The following FER variants were observed in gnomAD, a reference collection of about 807,000 sequenced individuals.
The protein encoded by FER is tyrosine-protein kinase Fer.
In FER, 63 loss-of-function variants were observed where a neutral mutation model predicts 111.0. The observed-to-expected ratio is 0.57, with a 90% confidence interval of 0.46 to 0.70. The LOEUF (loss-of-function observed/expected upper bound fraction) is 0.70, where lower values mean the gene tolerates loss of function less well. Ranked by LOEUF, FER falls within the 30% of genes least tolerant of loss-of-function variation. FER has a pLI of 0.00. For synonymous variants in FER, 327 were observed against 313.9 expected (o/e 1.04, Z -0.44); for missense variants, 914 against 954.0 (o/e 0.96, Z 0.55).
intron 13 of FER, among the ~76,000 whole-genome samples, chr5:109,020,052 GT>G (rs1489392828): frequency 6.6e-6 from 1 of 151,864 alleles, no homozygotes; most frequent in Non-Finnish European, 1.5e-5. Context: ...TTTTCACCAA[GT>G]TTGACCTCTT....
At chr5:108,753,622 T>G (rs1278989180) in intron 1 of FER, among the ~76,000 whole-genome samples, 3 of 152,238 alleles carry the variant, frequency 2.0e-5, no homozygotes, top group Non-Finnish European at 4.4e-5. Context: ...TGTTTAAAAT[T>G]TAAACTTCAT....
chr5:108,953,236 CAT>C (rs752596718), intron 11 of FER, among the ~76,000 whole-genome samples: 2 of 151,780 alleles, frequency 1.3e-5, no homozygotes, highest in Non-Finnish European at 2.9e-5. Context: ...TCTTTTACCT[CAT>C]AGTCGTGGGT....
chr5:108,758,618 T>C (rs901763858), intron 1 of FER, among the ~76,000 whole-genome samples: 14 of 152,160 alleles, frequency 9.2e-5, no homozygotes, highest in Non-Finnish European at 2.1e-4. Context: ...GTTCCAGGAT[T>C]GTGTCTCGTT....
intron 15 of FER, among the ~76,000 whole-genome samples, chr5:109,046,079 C>T (rs575819386): frequency 2.1e-4 from 32 of 151,978 alleles, no homozygotes; most frequent in African/African-American, 7.5e-4. Context: ...TCAAGTCTAT[C>T]CTACTTTCAT....
chr5:108,879,167 C>T (rs1034317794), intron 8 of FER, among the ~76,000 whole-genome samples: 6 of 151,922 alleles, frequency 3.9e-5, no homozygotes, highest in African/African-American at 1.4e-4. Context: ...CTTTTAACTG[C>T]TTTGCCTTAT....
At chr5:109,141,109 C>A (rs954724983) in intron 17 of FER, among the ~76,000 whole-genome samples, 1 of 152,126 alleles carries the variant, frequency 6.6e-6, no homozygotes, top group East Asian at 1.9e-4. Flanking sequence ...AGAGGGCGTA[C>A]AGGTGGCCCC....
chr5:108,862,102 A>C (rs1396044269), intron 5 of FER, among the ~76,000 whole-genome samples: 1 of 152,142 alleles, frequency 6.6e-6, no homozygotes, highest in Non-Finnish European at 1.5e-5. Flanking sequence ...CTGGTTTTAA[A>C]CCTGAAAGTG....
At chr5:108,857,772 T>G (rs1277483995) in intron 5 of FER, among the ~76,000 whole-genome samples, 1 of 152,182 alleles carries the variant, frequency 6.6e-6, no homozygotes, top group Non-Finnish European at 1.5e-5. Flanking sequence ...ACTCACAGAT[T>G]CTGATTTTTA....
intron 10 of FER, among the ~76,000 whole-genome samples, chr5:108,928,472 T>C (rs891898176): frequency 6.6e-6 from 1 of 152,210 alleles, no homozygotes; most frequent in Admixed American, 6.5e-5. Flanking sequence ...AAATGTATTA[T>C]AGGGCTCAAC....
chr5:108,950,906 C>A (rs1757640543), intron 11 of FER, among the ~76,000 whole-genome samples: 1 of 152,036 alleles, frequency 6.6e-6, no homozygotes, highest in Non-Finnish European at 1.5e-5. Context: ...GTTGATTTCT[C>A]ATCCCCTCCC....
chr5:109,145,518 C>T (rs1753991121), intron 17 of FER, among the ~76,000 whole-genome samples: 1 of 151,936 alleles, frequency 6.6e-6, no homozygotes, highest in African/African-American at 2.4e-5. Context: ...TCCCCCAACC[C>T]CCGCAACTTT....
chr5:108,780,393 T>A (rs866730894), intron 2 of FER, among the ~76,000 whole-genome samples: 194 of 146,240 alleles, frequency 1.3e-3, no homozygotes, highest in African/African-American at 4.2e-3. Flanking sequence ...TTTTTTTTTT[T>A]AATTTTTTAC....
At chr5:108,822,641 A>G (rs1279008229) in intron 3 of FER, among the ~76,000 whole-genome samples, 1 of 152,108 alleles carries the variant, frequency 6.6e-6, no homozygotes, top group Non-Finnish European at 1.5e-5. Flanking sequence ...AGCAGCCCTC[A>G]TGACCCAAAC....
At chr5:108,873,906 G>A (rs1764848922) in intron 8 of FER, among the ~76,000 whole-genome samples, 1 of 152,156 alleles carries the variant, frequency 6.6e-6, no homozygotes, top group African/African-American at 2.4e-5. Flanking sequence ...GGAGTTGAAT[G>A]TATGGTGCAA....
chr5:109,038,667 G>T (rs552855704), intron 14 of FER, among the ~76,000 whole-genome samples: 1 of 151,748 alleles, frequency 6.6e-6, no homozygotes, highest in Non-Finnish European at 1.5e-5. Flanking sequence ...TCATCCTTAA[G>T]GAAATATTTC....
At chr5:109,147,361 G>A (rs1359696376) in intron 17 of FER, among the ~76,000 whole-genome samples, 5 of 79,714 alleles carry the variant, frequency 6.3e-5, no homozygotes, top group South Asian at 3.6e-4. Context: ...CCCTTTGGGC[G>A]GTAAGTTAGA....
chr5:109,173,012 G>A (rs116784871), intron 17 of FER, among the ~76,000 whole-genome samples: 5,203 of 152,204 alleles, frequency 0.034, 143 homozygotes, highest in South Asian at 0.083. Context: ...GTTTGGTTCC[G>A]AGTTATCTCA....
At chr5:108,807,847 G>C (rs1043534122) in intron 3 of FER, among the ~76,000 whole-genome samples, 1 of 151,880 alleles carries the variant, frequency 6.6e-6, no homozygotes, top group African/African-American at 2.4e-5. Flanking sequence ...ATAATGTTTT[G>C]ATTTCTGCCT....
At chr5:109,095,040 A>G (rs1747323772) in intron 16 of FER, among the ~76,000 whole-genome samples, 1 of 152,140 alleles carries the variant, frequency 6.6e-6, no homozygotes. Context: ...AACTGTTATC[A>G]TAACTGCTAT....
Sources: gnomAD v4.1 joint callset for allele counts (sites outside exome capture counted in the v4.1 genomes callset) on GRCh38, gnomAD v4.1.1 for gene constraint, MANE v1.5 for transcripts, NCBI Gene and HGNC (gene_info 2026-07-23, HGNC 2026-07-21) for gene names.